Variants in FGF14 observed in about 807,000 individuals in gnomAD.
The protein encoded by FGF14 is fibroblast growth factor 14, also known as fibroblast growth factor homologous factor 4.
In FGF14, 5 loss-of-function variants were observed where a neutral mutation model predicts 25.5. The ratio of observed to expected loss-of-function variants is 0.20; its 90% CI spans 0.10 to 0.41. FGF14 has a LOEUF of 0.41. Among genes scored for constraint, FGF14 ranks in the 10% least tolerant of loss-of-function variants. FGF14 has a pLI of 1.00. For synonymous variants in FGF14, 138 were observed against 118.3 expected, an observed-to-expected ratio of 1.17 and a Z score of -1.08; for missense variants, 222 against 320.1, an observed-to-expected ratio of 0.69 and a Z score of 2.34.
chr13:101,794,105 G>A (rs2140103236), intron 3 of FGF14, among the ~76,000 whole-genome samples: 1 of 152,012 alleles, frequency 6.6e-6, no homozygotes, highest in South Asian at 2.1e-4. Context: ...TCATTCTTCT[G>A]ACTCAATTTC....
At chr13:102,131,996 C>T (rs2046217611) in intron 1 of FGF14, among the ~76,000 whole-genome samples, 2 of 152,146 alleles carry the variant, frequency 1.3e-5, no homozygotes, top group South Asian at 4.1e-4. Context: ...ATTGGAAGGA[C>T]TTGGGAAAAT....
intron 1 of FGF14, among the ~76,000 whole-genome samples, chr13:101,904,956 A>C (rs1451104790): frequency 2.6e-5 from 4 of 152,236 alleles, no homozygotes; most frequent in African/African-American, 9.6e-5. Context: ...AAAGTTGGTC[A>C]AACATGAAAT....
At chr13:101,978,395 G>C (rs60998280) in intron 1 of FGF14, among the ~76,000 whole-genome samples, 5,686 of 152,126 alleles carry the variant, frequency 0.037, 348 homozygotes, top group African/African-American at 0.13. Flanking sequence ...TCTCATCCTG[G>C]TTTCTGATTT....
intron 1 of FGF14, among the ~76,000 whole-genome samples, chr13:102,117,483 G>A: frequency 6.6e-6 from 1 of 152,194 alleles, no homozygotes. Flanking sequence ...ATCACTTGGA[G>A]AGCTTTGAAA....
chr13:102,347,419 AC>A (rs1193862093), intron 1 of FGF14, among the ~76,000 whole-genome samples: 2 of 151,686 alleles, frequency 1.3e-5, no homozygotes, highest in South Asian at 4.2e-4. Flanking sequence ...GTCACAGAAG[AC>A]CCCCCTGAGA....
At chr13:102,035,814 A>G (rs2139965542) in intron 1 of FGF14, among the ~76,000 whole-genome samples, 1 of 152,254 alleles carries the variant, frequency 6.6e-6, no homozygotes, top group East Asian at 1.9e-4. Flanking sequence ...CCAGACAGTC[A>G]CCAATATTCC....
chr13:102,137,265 A>G (rs948226413), intron 1 of FGF14, among the ~76,000 whole-genome samples: 4 of 152,242 alleles, frequency 2.6e-5, no homozygotes, highest in African/African-American at 7.2e-5. Flanking sequence ...ATAACTGACA[A>G]GGATTAAAAG....
In FGF14 at chr13:101,767,372, A is replaced by C. The variant is rs147229264; in HGVS notation, c.409-40562T>G. On this transcript the variant is annotated intron_variant, in intron 3 of 4. Coordinates refer to ENST00000376143, the MANE Select transcript of FGF14 (RefSeq NM_004115.4). Reference sequence around the variant, plus strand: ...GATACGAGATCATTCTTTTTTTAAAAGCTCCCTAGGGTTTCAGAAGTGCAG... The same window carrying C: ...GATACGAGATCATTCTTTTTTTAAACGCTCCCTAGGGTTTCAGAAGTGCAG... 6.2e-3 allele frequency among the ~76,000 whole-genome samples: 945 copies of C among 152,222 alleles called. 9 individuals are homozygous for C. The highest frequency in any genetic ancestry group is 0.021 in the African/African-American group (862 of 41,522).
At chr13:102,124,398 G>A (rs1594051373) in intron 1 of FGF14, among the ~76,000 whole-genome samples, 1 of 152,194 alleles carries the variant, frequency 6.6e-6, no homozygotes, top group East Asian at 1.9e-4. Context: ...AGAGGAAAAT[G>A]TTGAGTTGTA....
At chr13:101,879,916 A>T (rs564722858) in intron 1 of FGF14, among the ~76,000 whole-genome samples, 198 of 152,314 alleles carry the variant, frequency 1.3e-3, no homozygotes, top group Non-Finnish European at 2.0e-3. Flanking sequence ...TCCAACCACA[A>T]AAATAAACTG....
At chr13:101,958,367 T>C (rs1026709537) in intron 1 of FGF14, among the ~76,000 whole-genome samples, 1 of 152,238 alleles carries the variant, frequency 6.6e-6, no homozygotes, top group Non-Finnish European at 1.5e-5. Flanking sequence ...GGCAAAATTG[T>C]GAACTCATTT....
intron 1 of FGF14, among the ~76,000 whole-genome samples, chr13:102,396,900 C>T (rs1324476862): frequency 6.6e-6 from 1 of 152,216 alleles, no homozygotes; most frequent in African/African-American, 2.4e-5. Context: ...TTTGTTACCT[C>T]AGTAAATAAG....
intron 3 of FGF14, among the ~76,000 whole-genome samples, chr13:101,822,294 A>G (rs1160157373): frequency 6.6e-6 from 1 of 152,098 alleles, no homozygotes; most frequent in Non-Finnish European, 1.5e-5. Flanking sequence ...TGCAGTGGAG[A>G]CTTTACCATA....
At chr13:101,952,611 C>CT (rs909449702) in intron 1 of FGF14, among the ~76,000 whole-genome samples, 3 of 152,116 alleles carry the variant, frequency 2.0e-5, no homozygotes, top group South Asian at 2.1e-4. Flanking sequence ...TCATAGAGCT[C>CT]TTTTTTTCCC....
chr13:102,213,703 T>C (rs1182205305), intron 1 of FGF14, among the ~76,000 whole-genome samples: 2 of 152,182 alleles, frequency 1.3e-5, no homozygotes, highest in African/African-American at 4.8e-5. Flanking sequence ...AATCATTCCT[T>C]ATCCTCCTTC....
rs1555384573 is a variant in FGF14, at chr13:101,797,772, T to TGTGCGCGC, written c.408+70952_408+70953insGCGCGCAC. Among the ~76,000 whole-genome samples, 276 of 145,664 alleles carry TGTGCGCGC rather than the reference T, an allele frequency of 1.9e-3. 1 individual carries two copies. Among genetic ancestry groups the TGTGCGCGC allele is most frequent in the African/African-American group, 5.8e-3 (230 of 39,794 alleles). ...GTGTGTGTGTGTGTGTGTGTGTGTG[T>TGTGCGCGC]GTGTGTGTGTTCAACCTCAGTAGAA... On this transcript the variant is annotated intron_variant, in intron 3 of 4. Transcript: ENST00000376143.
chr13:102,307,005 G>A (rs922491334), intron 1 of FGF14, among the ~76,000 whole-genome samples: 4 of 152,034 alleles, frequency 2.6e-5, no homozygotes, highest in African/African-American at 7.2e-5. Flanking sequence ...ATTTCTCTGG[G>A]TCCAATCTAA....
At chr13:101,939,659 A>G (rs1277615569) in intron 1 of FGF14, among the ~76,000 whole-genome samples, 2 of 152,208 alleles carry the variant, frequency 1.3e-5, no homozygotes, top group African/African-American at 4.8e-5. Context: ...GCAGTCTTCT[A>G]TCCTCTTCCT....
chr13:102,316,402 T>C (rs1180701494), intron 1 of FGF14, among the ~76,000 whole-genome samples: 1 of 152,218 alleles, frequency 6.6e-6, no homozygotes, highest in Non-Finnish European at 1.5e-5. Context: ...CCTGAATATT[T>C]CTACATAGAC....
Sources: gnomAD v4.1 joint callset for allele counts (sites outside exome capture counted in the v4.1 genomes callset) on GRCh38, gnomAD v4.1.1 for gene constraint, MANE v1.5 for transcripts, NCBI Gene and HGNC (gene_info 2026-07-23, HGNC 2026-07-21) for gene names.